TRIM29: variants seen among roughly 807,000 people sequenced by gnomAD.
TRIM29 encodes tripartite motif-containing protein 29.
Under a neutral mutation model 57.3 loss-of-function variants are expected in TRIM29, and 52 were observed. The ratio of observed to expected loss-of-function variants is 0.91; its 90% CI spans 0.73 to 1.14. TRIM29 has a LOEUF of 1.14. Among genes scored for constraint, TRIM29 ranks in the 50% most tolerant of loss-of-function variants. TRIM29 has a pLI of 0.00. For synonymous variants in TRIM29, 319 were observed against 316.9 expected (o/e 1.01, Z -0.07); for missense variants, 753 against 774.6 (o/e 0.97, Z 0.33).
intron 4 of TRIM29, chr11:120,123,317 C>G: frequency 1.5e-6 from 1 of 648,542 alleles, no homozygotes; most frequent in Non-Finnish European, 2.8e-6. Context: ...GTGCACAACA[C>G]TTCCTAGCAC....
rs768204569 is a variant in TRIM29, at chr11:120,120,609, T to C, written c.1492A>G (p.Thr498Ala). 1.9e-6 allele frequency: 3 copies of C among 1,613,766 alleles called. No individual in the cohort carries two copies. The African/African-American group carries it at 4.0e-5, about 22-fold the overall frequency. The change falls in exon 6 of 9, where the codon ACC becomes GCC. Residue 498 changes from threonine (T) to alanine (A), a missense_variant. Transcript: ENST00000341846. ...TAGAGATTGTTGAAATTCTTCTGGGTGGTCTCCTTGGTGAAGCGGCCAGGA... is the reference window on the plus strand; with the variant it reads ...TAGAGATTGTTGAAATTCTTCTGGGCGGTCTCCTTGGTGAAGCGGCCAGGA... ...SSPGRFTKETTQKNFNNLYGT... is the reference protein window; with the variant it reads ...SSPGRFTKETAQKNFNNLYGT...
At chr11:120,127,065 T>C (rs952499900) in intron 3 of TRIM29, among the ~76,000 whole-genome samples, 1 of 152,226 alleles carries the variant, frequency 6.6e-6, no homozygotes, top group African/African-American at 2.4e-5. Flanking sequence ...AGAGCACTGC[T>C]AGCACATATC....
Position 120,118,224 on chromosome 11 carries a change from T to C in TRIM29, c.1626A>G (p.Lys542=), listed in dbSNP as rs756969286. The change falls in exon 7 of 9, where the codon AAA becomes AAG. Residue 542 remains lysine, a splice_region_variant and synonymous_variant. Coordinates refer to ENST00000341846, the MANE Select transcript of TRIM29 (RefSeq NM_012101.4). ...VVQGSSSFSL[K]GYPSLMRSQS... ...AGGGGCCAGGGTGGGCAAGCTCACC[T>C]TTCAGGGAGAAGGAGGAGCTGCCTT... The C allele has an allele frequency of 1.2e-6, 2 of 1,613,844 alleles. No individual in the cohort carries two copies. The highest frequency in any genetic ancestry group is 1.7e-6 in the Non-Finnish European group (2 of 1,179,868).
In TRIM29 at chr11:120,112,221, T is replaced by G; in HGVS notation, c.*193A>C. ...CTGAGGTCACAAGGCAGGAAAGGAG[T>G]CTGAATGGAGTGTGGCCAGTGGGGA... On this transcript the variant is annotated 3_prime_UTR_variant, in exon 9 of 9. Transcript: ENST00000341846. 5 of 559,786 alleles carry G rather than the reference T, an allele frequency of 8.9e-6. No individual in the cohort carries two copies. The highest frequency in any genetic ancestry group is 3.4e-5 in the East Asian group (1 of 29,760). The allele number at this position is 559,786 out of a possible 1,614,324, so 34.7% of individuals were successfully genotyped here.
intron 6 of TRIM29, among the ~76,000 whole-genome samples, 153 bp from the exon 7 acceptor site, chr11:120,118,474 C>T (rs1863342743): frequency 1.3e-5 from 2 of 152,154 alleles, no homozygotes; most frequent in Non-Finnish European, 2.9e-5. Flanking sequence ...TCACCCCCAT[C>T]CTTCTGCCAC....
chr11:120,111,690 A>G lies in TRIM29; in HGVS notation c.*724T>C, dbSNP rs1863139350. ...TTATATCATGTTAAGGGAATTCTTT[A>G]TCTCAGCAGAGGGAACAGAGGAATA... On this transcript the variant is annotated 3_prime_UTR_variant, in exon 9 of 9. Coordinates refer to ENST00000341846, the MANE Select transcript of TRIM29 (RefSeq NM_012101.4). The G allele has an allele frequency of 6.6e-6, 1 of 152,276 alleles. No individual in the cohort carries two copies. Among genetic ancestry groups the G allele is most frequent in the Non-Finnish European group, 1.5e-5 (1 of 68,066 alleles). The allele number at this position is 152,276 out of a possible 1,614,324, so 9.4% of individuals were successfully genotyped here. A position where few individuals can be genotyped will look rare whatever the true frequency, so the allele number is the denominator to read the frequency against.
chr11:120,128,375 C>G, intron 2 of TRIM29, 25 bp downstream of exon 2: 1 of 1,607,470 alleles, frequency 6.2e-7, no homozygotes, highest in Non-Finnish European at 8.5e-7. Context: ...AAGGGAGCAG[C>G]AAGGTGAGCT....
At chr11:120,135,391 T>C (rs1030502075) in intron 1 of TRIM29, among the ~76,000 whole-genome samples, 9 of 152,132 alleles carry the variant, frequency 5.9e-5, no homozygotes, top group African/African-American at 2.2e-4. Flanking sequence ...CTTGGGAGAA[T>C]GAGACTGAGC....
At chr11:120,117,015 G>A (rs1471456375) in intron 7 of TRIM29, 1 of 447,960 alleles carries the variant, frequency 2.2e-6, no homozygotes, top group Non-Finnish European at 4.5e-6. Context: ...CTCTGCAGTG[G>A]CCTGTCCCAA....
rs892628951 is a variant in TRIM29 at position 120,118,143 on chromosome 11, T to G, written c.1627+80A>C. ...ACGAGGTGAGGGAGGAACTAGCAGC[T>G]CAGCGAAGAGACCCAAGCAGGGCTT... On this transcript the variant is annotated intron_variant, in intron 7 of 8. Coordinates refer to ENST00000341846, the MANE Select transcript of TRIM29 (RefSeq NM_012101.4). 4 of 1,284,640 alleles carry G rather than the reference T, an allele frequency of 3.1e-6. No individual in the cohort carries two copies. The South Asian group carries it at 5.0e-5, about 16-fold the overall frequency. The allele number at this position is 1,284,640 out of a possible 1,614,324, so 79.6% of individuals were successfully genotyped here.
At chr11:120,120,928 G>A in intron 5 of TRIM29, 8 of 554,392 alleles carry the variant, frequency 1.4e-5, no homozygotes, top group South Asian at 1.3e-4. Context: ...AGAAGCAGTA[G>A]GCTCTCAGCC....
Position 120,137,478 on chromosome 11 carries a change from T to G in TRIM29, c.554A>C (p.Lys185Thr). 6.2e-7 allele frequency: 1 copy of G among 1,603,146 alleles called. No homozygotes were observed. ...GGAGGCCTGGCACACCAGGCAGGAC[T>G]TGACCGCCTTCTGCTTGTTGCCGAT... Reference protein sequence around the residue: ...SCIGNKQKAVKSCLVCQASFC... With the variant: ...SCIGNKQKAVTSCLVCQASFC... The change falls in exon 1 of 9, where the codon AAG becomes ACG. Residue 185 changes from lysine to threonine, a missense_variant. Coordinates refer to ENST00000341846, the MANE Select transcript of TRIM29 (RefSeq NM_012101.4). The surrounding 1 kb of genome is among the most constrained non-coding windows in gnomAD (Gnocchi z 6.2).
intron 1 of TRIM29, 118 bp from the exon 2 acceptor site, chr11:120,128,613 A>G (rs1204476572): frequency 3.3e-6 from 5 of 1,509,894 alleles, no homozygotes; most frequent in Non-Finnish European, 4.5e-6. Flanking sequence ...TCACTCATCT[A>G]TTCAGCTCTT....
At position 120,111,296 on chromosome 11, in the gene TRIM29, A is replaced by G. The variant is rs535537853; in HGVS notation, c.*1118T>C. 7.2e-5 allele frequency: 11 copies of G among 152,604 alleles called. No homozygotes were observed. Among genetic ancestry groups the G allele is most frequent in the African/African-American group, 2.2e-4 (9 of 41,574 alleles). 9.5% of individuals were successfully genotyped at this position (152,604 alleles called of 1,614,324 possible). ...TCAATACAAGAGAAGTGACAGACCA[A>G]TGGTTTATTCCAAAGGGGAAAGCCC... On this transcript the variant is annotated 3_prime_UTR_variant, in exon 9 of 9. Transcript: ENST00000341846.
rs1863284232 is a variant in TRIM29, at chr11:120,116,850, G to A, written c.1627+1373C>T. On this transcript the variant is annotated intron_variant, in intron 7 of 8. Coordinates refer to ENST00000341846, the MANE Select transcript of TRIM29 (RefSeq NM_012101.4). Reference sequence around the variant, plus strand: ...TGGGGCATGCATCCCTCTCCAGGGAGCTCTGGGGAGAAGGGACCGGCACAC... The same window carrying A: ...TGGGGCATGCATCCCTCTCCAGGGAACTCTGGGGAGAAGGGACCGGCACAC... 4 of 272,192 alleles carry A rather than the reference G, an allele frequency of 1.5e-5. 1 individual carries two copies. Among genetic ancestry groups the A allele is most frequent in the Middle Eastern group, 2.3e-3 (2 of 876 alleles). 16.9% of individuals were successfully genotyped at this position (272,192 alleles called of 1,614,324 possible).
chr11:120,116,755 AGGGTGGCCCAAGACACCCGCC>A (rs1863281208), intron 7 of TRIM29: 1 of 176,210 alleles, frequency 5.7e-6, no homozygotes, highest in Non-Finnish European at 1.2e-5. Context: ...GGGTGGGGTC[AGGGTGGCCCAAGACACCCGCC>A]TTGTGCAGCA....
In TRIM29 at chr11:120,137,738, A is replaced by G; in HGVS notation, c.294T>C (p.Ser98=). The change falls in exon 1 of 9, where the codon TCT becomes TCC. Residue 98 remains serine, a synonymous_variant. Transcript: ENST00000341846. The surrounding 1 kb of genome is among the most constrained non-coding windows in gnomAD (Gnocchi z 6.2). The part of the protein sequence containing the change: ...DKNSNYFSMD[S]MEGKRSPYAG... ...CGTACGGCGACCTCTTGCCTTCCAT[A>G]GAGTCCATGCTGAAGTAGTTGGAGT... 4 of 1,612,454 alleles carry G rather than the reference A, an allele frequency of 2.5e-6. No homozygotes were observed. The South Asian group carries it at 4.4e-5, about 18-fold the overall frequency.
At chr11:120,120,104 C>T (rs1046273678) in intron 6 of TRIM29, among the ~76,000 whole-genome samples, 20 of 152,174 alleles carry the variant, frequency 1.3e-4, no homozygotes, top group African/African-American at 1.4e-4. Context: ...AACCACTGTA[C>T]GACTTTTCAC....
At position 120,127,576 on chromosome 11, in the gene TRIM29, G is replaced by T. The variant is rs201660225; in HGVS notation, c.901-7C>A. ...TCTCATTGGTGGTGAAGCTCTGGAG[G>T]TCCAGAGTCAGGGAAGAGATTAGGC... is the stretch of plus-strand genomic sequence containing the variant. On this transcript the variant is annotated splice_polypyrimidine_tract_variant and splice_region_variant and intron_variant, in intron 2 of 8. Coordinates refer to ENST00000341846, the MANE Select transcript of TRIM29 (RefSeq NM_012101.4). The T allele has an allele frequency of 3.7e-6, 6 of 1,612,074 alleles. No homozygotes were observed. In the East Asian group the frequency reaches 1.1e-4, roughly 30 times the overall value.
Sources: gnomAD v4.1 joint callset for allele counts (sites outside exome capture counted in the v4.1 genomes callset) on GRCh38, gnomAD v4.1.1 for gene constraint, Gnocchi (gnomAD v3.1) non-coding constraint, MANE v1.5 for transcripts, NCBI Gene and HGNC (gene_info 2026-07-23, HGNC 2026-07-21) for gene names.